Variants in KLHL22 observed in about 807,000 individuals in gnomAD.
KLHL22 encodes kelch like family member 22, also known as kelch-like protein 22.
A neutral mutation model predicts 60.7 loss-of-function variants in KLHL22; 18 were observed. That is an observed-to-expected ratio of 0.30 (90% CI 0.20 to 0.44). The LOEUF is 0.44. Ranked by LOEUF, KLHL22 falls within the 20% of genes least tolerant of loss-of-function variation. The pLI is 1.00. For missense variants in KLHL22, 596 were observed against 852.3 expected, an observed-to-expected ratio of 0.70 and a Z score of 3.74; for synonymous variants, 355 against 354.5, an observed-to-expected ratio of 1.00 and a Z score of -0.01.
At chr22:20,447,891 G>A (rs73384246) in intron 5 of KLHL22, among the ~76,000 whole-genome samples, 5,621 of 152,110 alleles carry the variant, frequency 0.037, 347 homozygotes, top group African/African-American at 0.13. Flanking sequence ...GTGTAGTCAC[G>A]TGTAGTTGGA....
At chr22:20,475,498 G>T (rs1357373961) in intron 2 of KLHL22, among the ~76,000 whole-genome samples, 3 of 151,274 alleles carry the variant, frequency 2.0e-5, no homozygotes, top group Admixed American at 6.6e-5. Context: ...TTGGTATAAG[G>T]TATGAAGCAA....
At chr22:20,454,296 T>C (rs1351153388) in intron 5 of KLHL22, among the ~76,000 whole-genome samples, 1 of 151,852 alleles carries the variant, frequency 6.6e-6, no homozygotes, top group African/African-American at 2.4e-5. Context: ...GCCACTGCAC[T>C]CCAGCCTGGG....
chr22:20,489,868 T>C (rs2053654910), intron 1 of KLHL22: 1 of 463,754 alleles, frequency 2.2e-6, no homozygotes, highest in Non-Finnish European at 4.5e-6. Flanking sequence ...ATTCTGAGAG[T>C]CAAGCACAGT....
At chr22:20,494,041 T>C (rs1004627721) in intron 1 of KLHL22, among the ~76,000 whole-genome samples, 1 of 133,422 alleles carries the variant, frequency 7.5e-6, no homozygotes, top group African/African-American at 2.9e-5. Context: ...ATTGTGCCAT[T>C]GCACTCCAGC....
chr22:20,484,592 G>C (rs1200504492), intron 2 of KLHL22, among the ~76,000 whole-genome samples: 1 of 152,090 alleles, frequency 6.6e-6, no homozygotes, highest in Non-Finnish European at 1.5e-5. Flanking sequence ...ACTGTGACCA[G>C]CTCTAATTTT....
At chr22:20,446,359 C>T (rs1187099753) in intron 6 of KLHL22, 84 bp downstream of exon 6, 4 of 837,862 alleles carry the variant, frequency 4.8e-6, no homozygotes, top group Non-Finnish European at 5.9e-6. Context: ...TTAAAAGGCA[C>T]ATGATTCAAT....
intron 2 of KLHL22, among the ~76,000 whole-genome samples, chr22:20,471,773 G>A (rs564916481): frequency 3.3e-5 from 5 of 152,110 alleles, no homozygotes; most frequent in Non-Finnish European, 7.3e-5. Context: ...TGTGAGCTTC[G>A]GGAGGTGAGG....
intron 1 of KLHL22, among the ~76,000 whole-genome samples, chr22:20,490,461 C>G (rs962481743): frequency 6.6e-6 from 1 of 152,134 alleles, no homozygotes; most frequent in Admixed American, 6.6e-5. Context: ...TTTTCCTCTC[C>G]TCTTATACCA....
At chr22:20,445,442 G>A (rs989513904) in intron 6 of KLHL22, among the ~76,000 whole-genome samples, 4 of 152,106 alleles carry the variant, frequency 2.6e-5, no homozygotes, top group Admixed American at 1.3e-4. Flanking sequence ...TCCTGACCTC[G>A]TGATCCACCT....
intron 2 of KLHL22, among the ~76,000 whole-genome samples, chr22:20,476,408 T>A (rs1358810548): frequency 1.3e-5 from 1 of 77,748 alleles, no homozygotes; most frequent in Non-Finnish European, 3.1e-5. Context: ...GACACAGATT[T>A]TTTTTTTTTT....
chr22:20,450,542 C>A, intron 5 of KLHL22: 1 of 1,613,826 alleles, frequency 6.2e-7, no homozygotes, highest in East Asian at 2.2e-5. Context: ...AGGGATTTTG[C>A]TGAAACCCAC....
intron 2 of KLHL22, among the ~76,000 whole-genome samples, chr22:20,472,396 G>A (rs938962735): frequency 2.6e-5 from 4 of 152,190 alleles, no homozygotes; most frequent in African/African-American, 9.7e-5. Context: ...TTCAAGACCA[G>A]CCTAGGCAAC....
intron 1 of KLHL22, chr22:20,491,247 C>T (rs1238997781): frequency 3.3e-5 from 5 of 152,198 alleles, no homozygotes; most frequent in Admixed American, 3.3e-4. Flanking sequence ...CAGAAGTTTT[C>T]CAAACCCAGT....
At chr22:20,481,636 G>A (rs116454307) in intron 2 of KLHL22, among the ~76,000 whole-genome samples, 3,815 of 152,148 alleles carry the variant, frequency 0.025, 163 homozygotes, top group African/African-American at 0.087. Context: ...GCTCTGTCGC[G>A]CAAGCTGGAC....
chr22:20,448,171 C>A (rs1403645124), intron 5 of KLHL22, among the ~76,000 whole-genome samples: 1 of 152,138 alleles, frequency 6.6e-6, no homozygotes, highest in Non-Finnish European at 1.5e-5. Context: ...AGTATACAAC[C>A]TTTTGACATT....
chr22:20,441,870 C>T lies in KLHL22; in HGVS notation c.*203G>A. On this transcript the variant is annotated 3_prime_UTR_variant, in exon 7 of 7. Coordinates refer to ENST00000328879, the MANE Select transcript of KLHL22 (RefSeq NM_032775.4). ...AAGCAGTTCCTGCAGTGACGTAATC[C>T]ACAGCCTGGGATCTGCATGGCCCTG... 2.2e-6 allele frequency: 1 copy of T among 447,108 alleles called. No individual in the cohort carries two copies. Among genetic ancestry groups the T allele is most frequent in the Non-Finnish European group, 3.8e-6 (1 of 260,896 alleles). The allele number at this position is 447,108 out of a possible 1,614,324, so 27.7% of individuals were successfully genotyped here. A position where few individuals can be genotyped will look rare whatever the true frequency, so the allele number is the denominator to read the frequency against.
intron 2 of KLHL22, chr22:20,482,822 C>A: frequency 7.9e-7 from 1 of 1,271,050 alleles, no homozygotes; most frequent in South Asian, 1.2e-5. Context: ...GGCTTAATGT[C>A]TCAGAACTTT....
intron 3 of KLHL22, among the ~76,000 whole-genome samples, chr22:20,466,199 C>T (rs796499245): frequency 1.1e-4 from 16 of 151,914 alleles, no homozygotes; most frequent in African/African-American, 3.9e-4. Flanking sequence ...CATGGTGAAA[C>T]ACCGTCTCTA....
At chr22:20,470,088 C>T (rs1184916352) in intron 3 of KLHL22, among the ~76,000 whole-genome samples, 2 of 152,004 alleles carry the variant, frequency 1.3e-5, no homozygotes, top group African/African-American at 2.4e-5. Flanking sequence ...CCTGTAATCC[C>T]AGAACTTTGG....
Sources: allele counts gnomAD v4.1 joint callset (sites outside exome capture counted in the v4.1 genomes callset), GRCh38; gene constraint gnomAD v4.1.1; transcripts MANE v1.5; gene names NCBI Gene and HGNC (gene_info 2026-07-23, HGNC 2026-07-21).